The following FIGN variants were observed in gnomAD, a reference collection of about 807,000 sequenced individuals.
FIGN encodes fidgetin.
A neutral mutation model predicts 51.3 loss-of-function variants in FIGN; 11 were observed. That is an observed-to-expected ratio of 0.21 (90% CI 0.13 to 0.35). FIGN has a LOEUF of 0.35. FIGN is among the 10% of genes least tolerant of loss of function. The probability of loss-of-function intolerance (pLI) is 1.00; values close to 1 mark genes in which losing one functional copy is unlikely to be tolerated. For synonymous variants in FIGN, 407 were observed against 363.2 expected (o/e 1.12, Z -1.37); for missense variants, 857 against 943.6 (o/e 0.91, Z 1.20).
Position 163,611,108 on chromosome 2 carries a change from G to C in FIGN, c.724C>G (p.Leu242Val). 1 of 1,614,156 alleles carries C rather than the reference G, an allele frequency of 6.2e-7. No homozygotes were observed. The highest frequency in any genetic ancestry group is 2.2e-5 in the East Asian group (1 of 44,856). ...GCAGACGGATAGCTGTAACTGGAGA[G>C]GTTAGAAGTCCCATTGTAGCCTGGG... The part of the protein sequence containing the change: ...LVPGYNGTSN[L>V]SSYSYPSASY... Residue 242 changes from leucine (L) to valine (V), a missense_variant, in exon 3 of 3, where the codon CTC (leucine) becomes GTC (valine). By Grantham distance (32) the Leu-to-Val change is conservative. This residue lies in a region of FIGN where 799 missense variants were observed against 849.5 expected (regional missense o/e 0.94). Transcript: ENST00000333129.
At chr2:163,663,815 G>A (rs1318143290) in intron 2 of FIGN, among the ~76,000 whole-genome samples, 2 of 151,714 alleles carry the variant, frequency 1.3e-5, no homozygotes, top group African/African-American at 4.8e-5. Context: ...CCGGGAGGCG[G>A]AGGTTGCAGT....
chr2:163,725,255 T>G (rs904719525), intron 2 of FIGN, among the ~76,000 whole-genome samples: 1 of 151,996 alleles, frequency 6.6e-6, no homozygotes, highest in Non-Finnish European at 1.5e-5. Context: ...TATCAAAAAT[T>G]TTTTAAAAAG....
intron 2 of FIGN, among the ~76,000 whole-genome samples, chr2:163,726,275 A>C (rs1487010337): frequency 6.6e-6 from 1 of 152,092 alleles, no homozygotes; most frequent in Non-Finnish European, 1.5e-5. Flanking sequence ...ATGCAAATGA[A>C]AATCTCTCTT....
intron 2 of FIGN, among the ~76,000 whole-genome samples, chr2:163,724,145 G>A (rs1684803064): frequency 6.6e-6 from 1 of 152,118 alleles, no homozygotes; most frequent in South Asian, 2.1e-4. Context: ...GCTCAGTGAG[G>A]TTGAATGGCT....
chr2:163,717,447 T>C (rs1254886576), intron 2 of FIGN, among the ~76,000 whole-genome samples: 1 of 152,144 alleles, frequency 6.6e-6, no homozygotes, highest in Non-Finnish European at 1.5e-5. Flanking sequence ...ATAAGCTTTT[T>C]CTTTTTCTGA....
intron 2 of FIGN, among the ~76,000 whole-genome samples, chr2:163,629,239 C>T (rs549506829): frequency 3.9e-5 from 6 of 152,220 alleles, no homozygotes; most frequent in South Asian, 2.1e-4. Context: ...GTAGAGAACA[C>T]GCTGTTGGAA....
rs112254623 is a variant in FIGN, at chr2:163,649,255, G to A, written c.26-37449C>T. 1.7e-3 allele frequency among the ~76,000 whole-genome samples: 253 copies of A among 152,262 alleles called. 5 individuals carry two copies. The highest frequency in any genetic ancestry group is 0.015 in the East Asian group (79 of 5,174). On this transcript the variant is annotated intron_variant, in intron 2 of 2. Coordinates refer to ENST00000333129, the MANE Select transcript of FIGN (RefSeq NM_018086.4). The stretch of plus-strand genomic sequence containing the variant: ...CTAGTTTCCAAATGGCCTCCAATGA[G>A]CCATACTCCTCAGATATTTTTTAGT...
At position 163,633,637 on chromosome 2, in the gene FIGN, T is replaced by C. The variant is rs1303421550; in HGVS notation, c.26-21831A>G. The stretch of plus-strand genomic sequence containing the variant: ...GAGTCCCAGAATGAACAGAACTAGA[T>C]TTGGTATTGTACTGACCTTTGGGGA... On this transcript the variant is annotated intron_variant, in intron 2 of 2. Transcript: ENST00000333129. Among the ~76,000 whole-genome samples, 3 of 152,192 alleles carry C rather than the reference T, an allele frequency of 2.0e-5. No homozygotes were observed. In the East Asian group the frequency reaches 5.8e-4, roughly 29 times the overall value.
intron 2 of FIGN, among the ~76,000 whole-genome samples, chr2:163,616,935 A>G (rs1682887549): frequency 6.6e-6 from 1 of 152,090 alleles, no homozygotes; most frequent in South Asian, 2.1e-4. Flanking sequence ...GAACCTTCTG[A>G]AAGAAGGATT....
chr2:163,676,741 G>T (rs535078987), intron 2 of FIGN, among the ~76,000 whole-genome samples: 109 of 152,024 alleles, frequency 7.2e-4, no homozygotes, highest in Non-Finnish European at 1.2e-3. Flanking sequence ...GATAGCCAAA[G>T]TCATCTGTTA....
Position 163,720,359 on chromosome 2 carries a change from C to T in FIGN, c.25+14544G>A, listed in dbSNP as rs141473750. Among the ~76,000 whole-genome samples the T allele has an allele frequency of 1.1e-4, 17 of 152,088 alleles. No homozygotes were observed. In the East Asian group the frequency reaches 2.7e-3, roughly 24 times the overall value. On this transcript the variant is annotated intron_variant, in intron 2 of 2. Transcript: ENST00000333129. ...AGACAAGGCTAAAAGAAGGCATGGC[C>T]GACCACTGAATGAAAACAATTGTAT...
At chr2:163,697,794 G>GT (rs1684346959) in intron 2 of FIGN, among the ~76,000 whole-genome samples, 1 of 152,140 alleles carries the variant, frequency 6.6e-6, no homozygotes, top group African/African-American at 2.4e-5. Flanking sequence ...ATACCTTGAG[G>GT]TTGTATACTA....
chr2:163,611,319 G>A lies in FIGN; in HGVS notation c.513C>T (p.His171=). The A allele has an allele frequency of 6.2e-7, 1 of 1,614,194 alleles. No homozygotes were observed. Among genetic ancestry groups the A allele is most frequent in the Non-Finnish European group, 8.5e-7 (1 of 1,180,038 alleles). The stretch of plus-strand genomic sequence containing the variant: ...GCCCTGCATGAAGACTGGGTACAGT[G>A]TGGCTTCCACAGGTACTACTTGAAT... ...PSYSSSTCGS[H]TVPSLHAGLP... Residue 171 remains histidine (H), a synonymous_variant, in exon 3 of 3, where the codon CAC becomes CAT. Coordinates refer to ENST00000333129, the MANE Select transcript of FIGN (RefSeq NM_018086.4).
chr2:163,732,616 C>T (rs1166324803), intron 2 of FIGN, among the ~76,000 whole-genome samples: 1 of 152,146 alleles, frequency 6.6e-6, no homozygotes, highest in Non-Finnish European at 1.5e-5. Context: ...CTGGGATTTC[C>T]CCTTCAACCT....
chr2:163,682,485 T>C (rs1039674831), intron 2 of FIGN, among the ~76,000 whole-genome samples: 5 of 152,164 alleles, frequency 3.3e-5, no homozygotes, highest in African/African-American at 1.2e-4. Context: ...GGAACAGACA[T>C]GCAATCTTGT....
intron 2 of FIGN, among the ~76,000 whole-genome samples, chr2:163,642,448 T>TTTTGTATTTTGTTTAGATATAAAGAAA (rs1378284240): frequency 3.3e-5 from 5 of 152,240 alleles, no homozygotes; most frequent in Admixed American, 2.6e-4. Flanking sequence ...TACCTTAGCT[T>TTTTGTATTTTGTTTAGATATAAAGAAA]ACCCTTAGGT....
At chr2:163,644,317 A>G (rs562471759) in intron 2 of FIGN, among the ~76,000 whole-genome samples, 1 of 152,196 alleles carries the variant, frequency 6.6e-6, no homozygotes, top group Non-Finnish European at 1.5e-5. Flanking sequence ...ATAGCCAATA[A>G]GCACATGAAA....
At chr2:163,730,124 C>A (rs1446250923) in intron 2 of FIGN, among the ~76,000 whole-genome samples, 1 of 152,182 alleles carries the variant, frequency 6.6e-6, no homozygotes, top group Non-Finnish European at 1.5e-5. Context: ...ACTTAGCATA[C>A]CCCTTGCTTT....
At chr2:163,693,583 A>G (rs1684270112) in intron 2 of FIGN, among the ~76,000 whole-genome samples, 1 of 152,192 alleles carries the variant, frequency 6.6e-6, no homozygotes. Context: ...CCAAAATTAG[A>G]GTAGTTACAT....
Sources: allele counts gnomAD v4.1 joint callset (sites outside exome capture counted in the v4.1 genomes callset), GRCh38; gene constraint gnomAD v4.1.1; regional missense constraint gnomAD v4.1.1; transcripts MANE v1.5; gene names NCBI Gene and HGNC (gene_info 2026-07-23, HGNC 2026-07-21).